PIEZO2: variants seen among roughly 807,000 people sequenced by gnomAD.
PIEZO2 encodes the protein piezo-type mechanosensitive ion channel component 2.
PIEZO2 carries 172 observed loss-of-function variants against 337.3 expected under a neutral mutation model. The observed-to-expected ratio is 0.51, with a 90% CI of 0.45 to 0.58. The LOEUF (loss-of-function observed/expected upper bound fraction) is 0.58, where lower values mean the gene tolerates loss of function less well. PIEZO2 is among the 20% of genes least tolerant of loss of function. The pLI, the probability that PIEZO2 is intolerant of heterozygous loss-of-function variation, is 0.00. For missense variants in PIEZO2, 3,028 were observed against 3,391.3 expected (o/e 0.89, Z 2.66); for synonymous variants, 1,251 against 1,228.5 (o/e 1.02, Z -0.38).
chr18:10,887,576 A>G (rs1035625784), intron 4 of PIEZO2, among the ~76,000 whole-genome samples: 1 of 152,194 alleles, frequency 6.6e-6, no homozygotes, highest in Non-Finnish European at 1.5e-5. Context: ...ACAGGAAACC[A>G]GCATTGACAC....
At chr18:10,851,156 T>C (rs2041538727) in intron 7 of PIEZO2, among the ~76,000 whole-genome samples, 2 of 50,034 alleles carry the variant, frequency 4.0e-5, no homozygotes, top group Non-Finnish European at 3.4e-5. Context: ...TTCTTTTATC[T>C]TTTTTTTTTT....
intron 5 of PIEZO2, among the ~76,000 whole-genome samples, chr18:10,858,890 T>G (rs961591538): frequency 1.3e-5 from 2 of 152,152 alleles, no homozygotes; most frequent in Non-Finnish European, 2.9e-5. Context: ...ATGACACATT[T>G]GTATATTTTT....
intron 7 of PIEZO2, among the ~76,000 whole-genome samples, chr18:10,825,704 C>G (rs771940333): frequency 6.6e-6 from 1 of 151,926 alleles, no homozygotes; most frequent in African/African-American, 2.4e-5. Flanking sequence ...GCATGTGCCA[C>G]CATGCCAGGC....
chr18:11,123,023 CT>C (rs2146202690), intron 1 of PIEZO2, among the ~76,000 whole-genome samples: 1 of 151,658 alleles, frequency 6.6e-6, no homozygotes, highest in Non-Finnish European at 1.5e-5. Flanking sequence ...AAGCATTGTA[CT>C]TTTTTAATCT....
intron 3 of PIEZO2, among the ~76,000 whole-genome samples, chr18:10,941,338 T>C (rs184660928): frequency 1.3e-5 from 2 of 152,306 alleles, no homozygotes; most frequent in Non-Finnish European, 1.5e-5. Flanking sequence ...CACTCTGAGA[T>C]GATTATCAAT....
rs2036305413 is a variant in PIEZO2, at chr18:11,021,432, C to CTTCTCT, written c.161-41778_161-41773dup. ...CTGCGTGTGTCTGAAACAATGTTTC[C>CTTCTCT]TTCTCTCCTCCTCCCCACTGCAAGG... On this transcript the variant is annotated intron_variant, in intron 2 of 55. Transcript: ENST00000674853. This position sits in a 1 kb window ranked among gnomAD's most constrained non-coding sequence, Gnocchi z 4.7. Among the ~76,000 whole-genome samples, 1 of 151,956 alleles carries CTTCTCT rather than the reference C, an allele frequency of 6.6e-6. No homozygotes were observed.
At position 10,682,337 on chromosome 18, in the gene PIEZO2, C is replaced by T; in HGVS notation, c.7498-45G>A. ...CAAGGCTCAGGCTCAGGCTCAGGTG[C>T]TTTCCCGCAGGCAGCGGGATTGGGG... is the stretch of plus-strand genomic sequence containing the variant. On this transcript the variant is annotated intron_variant, in intron 49 of 55. Coordinates refer to ENST00000674853, the MANE Select transcript of PIEZO2 (RefSeq NM_001378183.1). The surrounding 1 kb of genome is among the most constrained non-coding windows in gnomAD (Gnocchi z 5.6). The T allele has an allele frequency of 6.7e-7, 1 of 1,489,066 alleles. No individual in the cohort carries two copies. The highest frequency in any genetic ancestry group is 9.0e-7 in the Non-Finnish European group (1 of 1,115,992). The allele number at this position is 1,489,066 out of a possible 1,614,324, so 92.2% of individuals were successfully genotyped here.
rs138224300 is a variant in PIEZO2 at position 10,943,374 on chromosome 18, G to A, written c.287-32146C>T. Among the ~76,000 whole-genome samples, 604 of 152,318 alleles carry A rather than the reference G, an allele frequency of 4.0e-3. 4 individuals are homozygous for A. The highest frequency in any genetic ancestry group is 0.013 in the African/African-American group (540 of 41,574). ...CCCAGGGGTGGAGTTACCCAAGGCC[G>A]TGGGAGACCACCTCTTGCATCAGTG... On this transcript the variant is annotated intron_variant, in intron 3 of 55. Coordinates refer to ENST00000674853, the MANE Select transcript of PIEZO2 (RefSeq NM_001378183.1). The surrounding 1 kb of genome is among the most constrained non-coding windows in gnomAD (Gnocchi z 4.5).
intron 4 of PIEZO2, among the ~76,000 whole-genome samples, chr18:10,883,816 C>CTT (rs71169957): frequency 8.1e-6 from 1 of 122,830 alleles, no homozygotes; most frequent in East Asian, 2.5e-4. Context: ...AGTCCTACTT[C>CTT]TTTTTTTTTT....
intron 30 of PIEZO2, among the ~76,000 whole-genome samples, chr18:10,747,561 A>G (rs1380629644): frequency 2.0e-5 from 3 of 152,236 alleles, no homozygotes; most frequent in Non-Finnish European, 4.4e-5. Flanking sequence ...CGGTACATAA[A>G]GTCATTGTCA....
intron 47 of PIEZO2, 77 bp from the exon 48 acceptor site, chr18:10,691,460 C>T (rs1598360441): frequency 1.6e-5 from 23 of 1,394,252 alleles, no homozygotes; most frequent in Non-Finnish European, 2.1e-5. Context: ...CAAATTAAAA[C>T]AACAGGCCAA....
In PIEZO2 at chr18:10,677,634, G is replaced by T; in HGVS notation, c.8081+113C>A. 7.7e-7 allele frequency: 1 copy of T among 1,302,934 alleles called. No homozygotes were observed. The highest frequency in any genetic ancestry group is 1.1e-6 in the Non-Finnish European group (1 of 937,896). 80.7% of individuals were successfully genotyped at this position (1,302,934 alleles called of 1,614,324 possible). A position where few individuals can be genotyped will look rare whatever the true frequency, so the allele number is the denominator to read the frequency against. ...GGGCCTCCAAATAGAAATTAACTTTGTGTTACCAAAGAATGAAGTTGCATT... is the reference window on the plus strand; with the variant it reads ...GGGCCTCCAAATAGAAATTAACTTTTTGTTACCAAAGAATGAAGTTGCATT... On this transcript the variant is annotated intron_variant, in intron 53 of 55. Transcript: ENST00000674853. This position sits in a 1 kb window ranked among gnomAD's most constrained non-coding sequence, Gnocchi z 4.1.
intron 7 of PIEZO2, among the ~76,000 whole-genome samples, chr18:10,809,681 G>C (rs1188629978): frequency 2.0e-5 from 3 of 151,924 alleles, no homozygotes; most frequent in African/African-American, 7.3e-5. Flanking sequence ...TGCAATTCTA[G>C]GATACTACAC....
rs1052653951 is a variant in PIEZO2, at chr18:11,111,478, C to T, written c.64+37047G>A. The stretch of plus-strand genomic sequence containing the variant: ...TCACGTGGCACGTGGCAACAATAGG[C>T]TGCCCCTTCTGGAGAAGCATGCACC... On this transcript the variant is annotated intron_variant, in intron 1 of 55. Coordinates refer to ENST00000674853, the MANE Select transcript of PIEZO2 (RefSeq NM_001378183.1). This position sits in a 1 kb window ranked among gnomAD's most constrained non-coding sequence, Gnocchi z 6.2. Among the ~76,000 whole-genome samples, 7 of 152,246 alleles carry T rather than the reference C, an allele frequency of 4.6e-5. No homozygotes were observed. The highest frequency in any genetic ancestry group is 1.7e-4 in the African/African-American group (7 of 41,466).
chr18:10,892,638 C>T (rs1259324399), intron 4 of PIEZO2, among the ~76,000 whole-genome samples: 1 of 148,606 alleles, frequency 6.7e-6, no homozygotes, highest in Non-Finnish European at 1.5e-5. Context: ...AATTGCACCT[C>T]AATGAACCAG....
intron 3 of PIEZO2, among the ~76,000 whole-genome samples, chr18:10,919,205 T>C (rs1327784130): frequency 1.3e-5 from 2 of 150,644 alleles, no homozygotes; most frequent in Non-Finnish European, 3.0e-5. Flanking sequence ...GAATTGTCTC[T>C]TCATGCCCAT....
chr18:11,020,584 A>C (rs1250684029), intron 2 of PIEZO2, among the ~76,000 whole-genome samples: 1 of 152,218 alleles, frequency 6.6e-6, no homozygotes, highest in African/African-American at 2.4e-5. Flanking sequence ...ATAGCAGCCA[A>C]CTACTGTCTA....
At chr18:10,934,728 A>T (rs543717536) in intron 3 of PIEZO2, among the ~76,000 whole-genome samples, 1 of 151,424 alleles carries the variant, frequency 6.6e-6, no homozygotes, top group East Asian at 1.9e-4. Flanking sequence ...AAGCCTAAAC[A>T]CCTGGAATAA....
chr18:10,689,870 G>A (rs2034725069), intron 48 of PIEZO2, 68 bp from the exon 49 acceptor site: 3 of 1,532,980 alleles, frequency 2.0e-6, no homozygotes, highest in African/African-American at 1.4e-5. Context: ...TCACCCAGGA[G>A]CTCAAGCAGT....
Sources: gnomAD v4.1 joint callset for allele counts (sites outside exome capture counted in the v4.1 genomes callset) on GRCh38, gnomAD v4.1.1 for gene constraint, Gnocchi (gnomAD v3.1) non-coding constraint, MANE v1.5 for transcripts, NCBI Gene and HGNC (gene_info 2026-07-23, HGNC 2026-07-21) for gene names.